The following EYS variants were observed in gnomAD, a reference collection of about 807,000 sequenced individuals.
EYS encodes the protein EGF-like photoreceptor maintenance factor, also known as protein eyes shut homolog.
A neutral mutation model predicts 282.1 loss-of-function variants in EYS; 250 were observed. The ratio of observed to expected loss-of-function variants is 0.89; its 90% CI spans 0.80 to 0.98. The LOEUF is 0.98. EYS is among the 50% of genes least tolerant of loss of function. EYS has a pLI of 0.00. For synonymous variants in EYS, 1,355 were observed against 1,282.9 expected (o/e 1.06, Z -1.20); for missense variants, 4,016 against 3,709.0 (o/e 1.08, Z -2.15).
rs191739881 is a variant in EYS at position 64,927,530 on chromosome 6, C to G, written c.2382-14787G>C. ...TACCATTAAATTTATGTCAAAACTC[C>G]CCAGCATAAGAAAAACCACAACACT... On this transcript the variant is annotated intron_variant, in intron 15 of 42. Coordinates refer to ENST00000503581, the MANE Select transcript of EYS (RefSeq NM_001142800.2). 1.4e-4 allele frequency among the ~76,000 whole-genome samples: 22 copies of G among 152,032 alleles called. No homozygotes were observed. The East Asian group carries it at 4.3e-3, about 29-fold the overall frequency.
intron 26 of EYS, among the ~76,000 whole-genome samples, chr6:64,553,545 A>AG (rs1765150929): frequency 2.2e-5 from 1 of 46,476 alleles, no homozygotes. Flanking sequence ...CTTTTGTTTG[A>AG]CCCCCCCCCC....
At chr6:65,240,392 T>A (rs374514119) in intron 12 of EYS, among the ~76,000 whole-genome samples, 4 of 152,150 alleles carry the variant, frequency 2.6e-5, no homozygotes, top group South Asian at 4.1e-4. Flanking sequence ...GTACTGAACA[T>A]CGTACCTAAT....
chr6:64,665,132 C>G (rs1769184244), intron 22 of EYS, among the ~76,000 whole-genome samples: 1 of 152,122 alleles, frequency 6.6e-6, no homozygotes, highest in Non-Finnish European at 1.5e-5. Context: ...AAATGAAACG[C>G]TTGTTTTCCG....
In EYS at chr6:64,682,201, A is replaced by G. The variant is rs372885481; in HGVS notation, c.3444-55956T>C. On this transcript the variant is annotated intron_variant, in intron 22 of 42. Coordinates refer to ENST00000503581, the MANE Select transcript of EYS (RefSeq NM_001142800.2). ...AATAGGGTGAAATCCTGTCTCTACT[A>G]AAAATACAAAAACAAAATTAGCTGG... Among the ~76,000 whole-genome samples, 2 of 152,142 alleles carry G rather than the reference A, an allele frequency of 1.3e-5. 1 individual carries two copies. Among genetic ancestry groups the G allele is most frequent in the South Asian group, 4.1e-4 (2 of 4,824 alleles).
chr6:65,269,708 G>T (rs1465121310), intron 12 of EYS, among the ~76,000 whole-genome samples: 1 of 151,982 alleles, frequency 6.6e-6, no homozygotes, highest in Non-Finnish European at 1.5e-5. Context: ...GTGGGGATCT[G>T]GTGAGGGTCC....
intron 11 of EYS, among the ~76,000 whole-genome samples, chr6:65,314,488 T>C (rs1291513208): frequency 7.0e-6 from 1 of 143,074 alleles, no homozygotes; most frequent in Non-Finnish European, 1.5e-5. Flanking sequence ...AACATTTGCT[T>C]AATGTGTCTT....
chr6:65,213,478 A>G (rs1766226312), intron 12 of EYS, among the ~76,000 whole-genome samples: 1 of 152,152 alleles, frequency 6.6e-6, no homozygotes, highest in Non-Finnish European at 1.5e-5. Context: ...GGCTTTTCCA[A>G]CAGCATATGC....
At chr6:64,019,812 G>GTGTATATAATACACATA (rs1562154491) in intron 33 of EYS, among the ~76,000 whole-genome samples, 1 of 140,756 alleles carries the variant, frequency 7.1e-6, no homozygotes, top group Non-Finnish European at 1.5e-5. Flanking sequence ...AGATTAGAAT[G>GTGTATATAATACACATA]TGTATATATA....
chr6:65,346,729 A>G (rs1770410958), intron 9 of EYS, among the ~76,000 whole-genome samples: 1 of 151,880 alleles, frequency 6.6e-6, no homozygotes, highest in Non-Finnish European at 1.5e-5. Flanking sequence ...GCTTCCAAAT[A>G]GAAGAGTTTA....
intron 22 of EYS, among the ~76,000 whole-genome samples, chr6:64,774,679 C>T (rs1192608599): frequency 6.6e-6 from 1 of 151,880 alleles, no homozygotes; most frequent in Non-Finnish European, 1.5e-5. Context: ...GTGCCTGCTG[C>T]TTAAGTCTCA....
chr6:65,369,359 A>G lies in EYS; in HGVS notation c.1299+15027T>C, dbSNP rs914480089. 8.9e-5 allele frequency among the ~76,000 whole-genome samples: 13 copies of G among 146,264 alleles called. 1 individual carries two copies. Among genetic ancestry groups the G allele is most frequent in the Admixed American group, 8.7e-4 (12 of 13,776 alleles). On this transcript the variant is annotated intron_variant, in intron 8 of 42. Transcript: ENST00000503581. ...ATATATATATATCTCATTCTGAACC[A>G]AAAGTGCTTAGTCTGTTCCAACAAA...
chr6:64,877,808 T>C (rs1766795829), intron 19 of EYS, among the ~76,000 whole-genome samples: 1 of 152,190 alleles, frequency 6.6e-6, no homozygotes, highest in African/African-American at 2.4e-5. Flanking sequence ...TAACACTTTT[T>C]ACACATTGTA....
chr6:65,611,186 A>G (rs1240158919), intron 2 of EYS, among the ~76,000 whole-genome samples: 1 of 151,596 alleles, frequency 6.6e-6, no homozygotes, highest in African/African-American at 2.4e-5. Context: ...TTGAAAAAAA[A>G]AAAGCTTCCT....
intron 33 of EYS, among the ~76,000 whole-genome samples, chr6:64,007,696 A>G (rs868054801): frequency 6.6e-5 from 10 of 152,020 alleles, no homozygotes; most frequent in African/African-American, 2.4e-5. Context: ...ATCTTTATTC[A>G]TATTATTTTC....
intron 32 of EYS, among the ~76,000 whole-genome samples, chr6:64,073,714 A>T (rs934885333): frequency 1.3e-5 from 2 of 151,726 alleles, no homozygotes; most frequent in Non-Finnish European, 3.0e-5. Context: ...ATTTAGTTCA[A>T]CATTGCTCGT....
chr6:65,434,051 A>C (rs1767974687), intron 5 of EYS, among the ~76,000 whole-genome samples: 1 of 152,194 alleles, frequency 6.6e-6, no homozygotes, highest in Non-Finnish European at 1.5e-5. Context: ...TCCCAGATAA[A>C]CCATTTTTTA....
At chr6:63,856,893 A>C (rs986413255) in intron 36 of EYS, among the ~76,000 whole-genome samples, 1 of 152,188 alleles carries the variant, frequency 6.6e-6, no homozygotes, top group African/African-American at 2.4e-5. Flanking sequence ...AAGGAGTCTA[A>C]GAGTTTATGA....
Position 64,081,892 on chromosome 6 carries a change from T to C in EYS, c.6535A>G (p.Ile2179Val), listed in dbSNP as rs148019592. The C allele has an allele frequency of 3.0e-4, 469 of 1,542,298 alleles. 3 individuals carry two copies. In the African/African-American group the frequency reaches 5.2e-3, roughly 17 times the overall value. Residue 2179 changes from isoleucine to valine, a missense_variant, in exon 32 of 43, where the codon ATA (isoleucine) becomes GTA (valine). Transcript: ENST00000503581. Reference sequence around the variant, plus strand: ...GTTCCATTTAAACTGTTTGTTTTTATAGTCAAGTAGATGGTAACAGTTCTG... The same window carrying C: ...GTTCCATTTAAACTGTTTGTTTTTACAGTCAAGTAGATGGTAACAGTTCTG... Reference protein sequence around the residue: ...HNRTVTIYLTIKTNSLNGTIL... With the variant: ...HNRTVTIYLTVKTNSLNGTIL...
At chr6:64,237,931 C>T (rs963317387) in intron 30 of EYS, among the ~76,000 whole-genome samples, 2 of 151,912 alleles carry the variant, frequency 1.3e-5, no homozygotes, top group Non-Finnish European at 1.5e-5. Flanking sequence ...GATAGTAAAA[C>T]AAATCATACA....
Sources: gnomAD v4.1 joint callset for allele counts (sites outside exome capture counted in the v4.1 genomes callset) on GRCh38, gnomAD v4.1.1 for gene constraint, MANE v1.5 for transcripts, NCBI Gene and HGNC (gene_info 2026-07-23, HGNC 2026-07-21) for gene names.